Variants in PDS5A observed in about 807,000 individuals in gnomAD.
PDS5A encodes the protein sister chromatid cohesion protein PDS5 homolog A.
Under a neutral mutation model 167.1 loss-of-function variants are expected in PDS5A, and 42 were observed. The observed-to-expected ratio is 0.25, with a 90% CI of 0.20 to 0.33. The LOEUF (loss-of-function observed/expected upper bound fraction) is 0.33, where lower values mean the gene tolerates loss of function less well. Among genes scored for constraint, PDS5A ranks in the 10% least tolerant of loss-of-function variants. PDS5A has a pLI of 1.00. For synonymous variants in PDS5A, 553 were observed against 554.6 expected (o/e 1.00, Z 0.04); for missense variants, 1,033 against 1,605.9 (o/e 0.64, Z 6.10).
At chr4:39,940,684 C>T (rs1727140892) in intron 2 of PDS5A, among the ~76,000 whole-genome samples, 1 of 151,300 alleles carries the variant, frequency 6.6e-6, no homozygotes, top group African/African-American at 2.4e-5. Flanking sequence ...TTTTTGGAGA[C>T]AGGGTCTTGC....
intron 2 of PDS5A, among the ~76,000 whole-genome samples, chr4:39,957,043 T>C (rs1358275909): frequency 6.6e-6 from 1 of 152,196 alleles, no homozygotes; most frequent in Non-Finnish European, 1.5e-5. Flanking sequence ...TCAATCTTCA[T>C]GAATCTTAGG....
chr4:39,932,510 C>CA (rs1726172626), intron 2 of PDS5A: 1 of 226,464 alleles, frequency 4.4e-6, no homozygotes, highest in South Asian at 8.3e-5. Flanking sequence ...CCATGTATGT[C>CA]AAACTGGTAT....
Position 39,862,275 on chromosome 4 carries a change from G to A in PDS5A, c.3030C>T (p.Ala1010=), listed in dbSNP as rs1719065961. ...GTGATCTTGTAAAATCTGGATCATGGGCTAGCAGGTGAATCATGTATGGAA... is the reference window on the plus strand; with the variant it reads ...GTGATCTTGTAAAATCTGGATCATGAGCTAGCAGGTGAATCATGTATGGAA... The part of the protein sequence containing the change: ...YVVPYMIHLL[A]HDPDFTRSQD... Residue 1010 remains alanine (A), a synonymous_variant, in exon 26 of 33, where the codon GCC becomes GCT. Transcript: ENST00000303538. 3 of 1,541,666 alleles carry A rather than the reference G, an allele frequency of 1.9e-6. No homozygotes were observed. Among genetic ancestry groups the A allele is most frequent in the South Asian group, 1.2e-5 (1 of 82,800 alleles).
At chr4:39,873,589 G>C (rs1038545790) in intron 20 of PDS5A, among the ~76,000 whole-genome samples, 2 of 149,740 alleles carry the variant, frequency 1.3e-5, no homozygotes, top group African/African-American at 4.9e-5. Flanking sequence ...ATAGTAAAAT[G>C]AGGCCAGTCA....
At chr4:39,965,596 T>C (rs974314467) in intron 2 of PDS5A, among the ~76,000 whole-genome samples, 83 of 152,322 alleles carry the variant, frequency 5.4e-4, no homozygotes, top group African/African-American at 1.7e-3. Context: ...ACACATGCTA[T>C]AATACGGATG....
intron 1 of PDS5A, 52 bp from the exon 2 acceptor site, chr4:39,976,669 C>CT (rs1276193369): frequency 4.3e-6 from 4 of 926,860 alleles, no homozygotes; most frequent in Non-Finnish European, 6.5e-6. Flanking sequence ...TTTGTAACCT[C>CT]TTTTTTCATT....
chr4:39,868,544 G>C (rs559219772), intron 22 of PDS5A: 92 of 417,528 alleles, frequency 2.2e-4, no homozygotes, highest in African/African-American at 1.8e-3. Context: ...GTCCAGACTG[G>C]TCTTGAACTC....
intron 21 of PDS5A, among the ~76,000 whole-genome samples, chr4:39,870,225 ATC>A (rs1719905097): frequency 6.6e-6 from 1 of 152,188 alleles, no homozygotes. Flanking sequence ...TTAATCAAAT[ATC>A]TCAATTTAAT....
intron 22 of PDS5A, 54 bp downstream of exon 22, chr4:39,869,340 T>C (rs1423903045): frequency 1.6e-5 from 17 of 1,045,326 alleles, no homozygotes; most frequent in Non-Finnish European, 2.6e-5. Flanking sequence ...GGAAGATAAC[T>C]ACAAAATGTC....
chr4:39,922,903 T>C (rs893828163), intron 5 of PDS5A, among the ~76,000 whole-genome samples, 155 bp from the exon 6 acceptor site: 12 of 152,226 alleles, frequency 7.9e-5, no homozygotes, highest in Non-Finnish European at 1.6e-4. Context: ...CAGAGAAATT[T>C]TGGCTGCTCT....
At position 39,848,998 on chromosome 4, in the gene PDS5A, CTT is replaced by C. The variant is rs765861936; in HGVS notation, c.3220-30_3220-29del. ...AGGGAGGAAAACGAATCATATATAA[CTT>C]TTAGTATTGCAAAATAATCATAATT... On this transcript the variant is annotated intron_variant, in intron 27 of 32. Coordinates refer to ENST00000303538, the MANE Select transcript of PDS5A (RefSeq NM_001100399.2). The C allele has an allele frequency of 6.1e-6, 9 of 1,466,644 alleles. No individual in the cohort carries two copies. In the Admixed American group the frequency reaches 1.3e-4, roughly 21 times the overall value. 90.9% of individuals were successfully genotyped at this position (1,466,644 alleles called of 1,614,324 possible).
chr4:39,903,669 T>A (rs1723065114), intron 12 of PDS5A, among the ~76,000 whole-genome samples: 1 of 152,224 alleles, frequency 6.6e-6, no homozygotes, highest in African/African-American at 2.4e-5. Context: ...ATGATAATCC[T>A]GTGGGAAAGG....
At chr4:39,897,871 A>G (rs1466597650) in intron 16 of PDS5A, 1 of 237,874 alleles carries the variant, frequency 4.2e-6, no homozygotes, top group Non-Finnish European at 6.8e-6. Flanking sequence ...CTCAGGAAAA[A>G]AAAAAAAAAA....
intron 2 of PDS5A, among the ~76,000 whole-genome samples, chr4:39,934,610 T>C (rs201293576): frequency 1.5e-5 from 2 of 130,638 alleles, no homozygotes; most frequent in African/African-American, 5.1e-5. Flanking sequence ...TATTTCTTTT[T>C]TTTTCTTTTT....
chr4:39,863,217 GTAA>G (rs1394802758), intron 24 of PDS5A, 116 bp downstream of exon 24: 12 of 911,876 alleles, frequency 1.3e-5, no homozygotes, highest in South Asian at 1.0e-4. Flanking sequence ...AGTTAAACAG[GTAA>G]TAATAGTAGT....
intron 21 of PDS5A, among the ~76,000 whole-genome samples, chr4:39,871,449 CTCT>C (rs777663867): frequency 2.6e-5 from 4 of 152,206 alleles, no homozygotes; most frequent in Non-Finnish European, 4.4e-5. Context: ...CCACGTTCTT[CTCT>C]TCTTGTCTGC....
chr4:39,970,790 C>CA (rs1553911026), intron 2 of PDS5A, among the ~76,000 whole-genome samples: 1 of 88,496 alleles, frequency 1.1e-5, no homozygotes, highest in Non-Finnish European at 2.1e-5. Context: ...CCGCTTGTTC[C>CA]TTTTTTTTTT....
intron 2 of PDS5A, among the ~76,000 whole-genome samples, chr4:39,949,841 A>C (rs900547683): frequency 6.7e-6 from 1 of 150,060 alleles, no homozygotes; most frequent in African/African-American, 2.4e-5. Context: ...AAAAAGAAAA[A>C]CACCACAAAA....
chr4:39,908,280 GTTA>G (rs1723571475), intron 11 of PDS5A, 112 bp downstream of exon 11: 1 of 816,916 alleles, frequency 1.2e-6, no homozygotes, highest in Non-Finnish European at 2.1e-6. Context: ...CTTTATCATT[GTTA>G]TTAATTTGAT....
Sources: allele counts gnomAD v4.1 joint callset (sites outside exome capture counted in the v4.1 genomes callset), GRCh38; gene constraint gnomAD v4.1.1; transcripts MANE v1.5; gene names NCBI Gene and HGNC (gene_info 2026-07-23, HGNC 2026-07-21).